MDGA2: variants seen among roughly 807,000 people sequenced by gnomAD.
MDGA2 encodes MAM domain-containing glycosylphosphatidylinositol anchor protein 2.
MDGA2 carries 40 observed loss-of-function variants against 117.8 expected under a neutral mutation model. That is an observed-to-expected ratio of 0.34 (90% CI 0.26 to 0.44). The LOEUF (loss-of-function observed/expected upper bound fraction) is 0.44, where lower values mean the gene tolerates loss of function less well. Ranked by LOEUF, MDGA2 falls within the 20% of genes least tolerant of loss-of-function variation. The pLI is 1.00. For synonymous variants in MDGA2, 452 were observed against 439.0 expected (o/e 1.03, Z -0.37); for missense variants, 1,123 against 1,250.6 (o/e 0.90, Z 1.54).
chr14:46,986,636 A>C (rs1166308604), intron 8 of MDGA2, among the ~76,000 whole-genome samples: 1 of 152,122 alleles, frequency 6.6e-6, no homozygotes, highest in African/African-American at 2.4e-5. Flanking sequence ...TGTCTTAAGG[A>C]AATTAGTTTC....
At chr14:47,149,098 C>T in intron 3 of MDGA2, among the ~76,000 whole-genome samples, 1 of 152,094 alleles carries the variant, frequency 6.6e-6, no homozygotes, top group East Asian at 1.9e-4. Flanking sequence ...CGAGACAAGC[C>T]TGGCCAACAT....
At chr14:47,392,347 G>A (rs376751906) in intron 1 of MDGA2, among the ~76,000 whole-genome samples, 23 of 152,072 alleles carry the variant, frequency 1.5e-4, no homozygotes, top group Middle Eastern at 3.4e-3. Context: ...ATAGTACATT[G>A]AAATAAAATA....
At chr14:47,024,473 T>C (rs78324460) in intron 8 of MDGA2, among the ~76,000 whole-genome samples, 1 of 152,288 alleles carries the variant, frequency 6.6e-6, no homozygotes, top group Non-Finnish European at 1.5e-5. Context: ...CTTATAAGAA[T>C]GAATACTTCC....
intron 1 of MDGA2, among the ~76,000 whole-genome samples, chr14:47,341,476 T>G (rs1171303583): frequency 2.0e-5 from 3 of 152,194 alleles, no homozygotes; most frequent in Non-Finnish European, 4.4e-5. Context: ...ATTTCTTAAT[T>G]TGGAGTAAAT....
rs1275050802 is a variant in MDGA2, at chr14:46,855,795, T to C, written c.2753-641A>G. On this transcript the variant is annotated intron_variant, in intron 14 of 16. Transcript: ENST00000399232. This position sits in a 1 kb window ranked among gnomAD's most constrained non-coding sequence, Gnocchi z 4.1. The stretch of plus-strand genomic sequence containing the variant: ...AGGAAATTAACATAGCATGTAATCA[T>C]GTACTGAATAACTTGCTCAGAGTTG... Among the ~76,000 whole-genome samples, 1 of 152,176 alleles carries C rather than the reference T, an allele frequency of 6.6e-6. No individual in the cohort carries two copies. Among genetic ancestry groups the C allele is most frequent in the Admixed American group, 6.5e-5 (1 of 15,274 alleles).
chr14:47,109,065 G>A (rs551654417), intron 5 of MDGA2, among the ~76,000 whole-genome samples: 44 of 152,294 alleles, frequency 2.9e-4, no homozygotes, highest in Non-Finnish European at 5.7e-4. Flanking sequence ...ACAGGAAGCT[G>A]AGCATTCACT....
intron 1 of MDGA2, among the ~76,000 whole-genome samples, chr14:47,601,506 C>T (rs928633019): frequency 2.6e-5 from 4 of 152,218 alleles, no homozygotes; most frequent in African/African-American, 7.2e-5. Flanking sequence ...AGGATGCTTA[C>T]ATATAAAGCT....
At chr14:47,437,157 C>T (rs1347370660) in intron 1 of MDGA2, among the ~76,000 whole-genome samples, 1 of 152,010 alleles carries the variant, frequency 6.6e-6, no homozygotes, top group Non-Finnish European at 1.5e-5. Context: ...AGATTTACTC[C>T]TCTCCATCCC....
chr14:47,366,424 T>C (rs1891232682), intron 1 of MDGA2, among the ~76,000 whole-genome samples: 1 of 152,070 alleles, frequency 6.6e-6, no homozygotes. Flanking sequence ...TTATTCTTTC[T>C]AGTCCTTTCG....
intron 2 of MDGA2, among the ~76,000 whole-genome samples, chr14:47,252,236 T>A (rs957237411): frequency 6.6e-6 from 1 of 152,092 alleles, no homozygotes; most frequent in East Asian, 1.9e-4. Context: ...TAGATTCTCA[T>A]GAAGTACACA....
At chr14:47,595,694 C>A (rs555776775) in intron 1 of MDGA2, among the ~76,000 whole-genome samples, 1 of 152,052 alleles carries the variant, frequency 6.6e-6, no homozygotes, top group Admixed American at 6.6e-5. Flanking sequence ...AAGGAGCCAC[C>A]CTCAGCCATG....
At chr14:47,650,298 C>A (rs1490731795) in intron 1 of MDGA2, among the ~76,000 whole-genome samples, 1 of 152,144 alleles carries the variant, frequency 6.6e-6, no homozygotes, top group Admixed American at 6.5e-5. Context: ...GATCTTGGGA[C>A]TTATCAGCCC....
At chr14:47,317,921 G>T (rs1186858162) in intron 1 of MDGA2, among the ~76,000 whole-genome samples, 2 of 151,904 alleles carry the variant, frequency 1.3e-5, no homozygotes, top group Non-Finnish European at 2.9e-5. Flanking sequence ...TTGAATTCAC[G>T]TTCAACACCT....
intron 3 of MDGA2, among the ~76,000 whole-genome samples, chr14:47,176,136 C>A (rs1323995702): frequency 2.6e-5 from 4 of 151,984 alleles, no homozygotes; most frequent in Non-Finnish European, 5.9e-5. Context: ...AACCACTGCT[C>A]AAGGAAATAA....
At chr14:47,445,586 G>T (rs1893104643) in intron 1 of MDGA2, among the ~76,000 whole-genome samples, 1 of 151,950 alleles carries the variant, frequency 6.6e-6, no homozygotes, top group African/African-American at 2.4e-5. Flanking sequence ...AGGTGACAAG[G>T]AAAAGCTTCA....
intron 1 of MDGA2, among the ~76,000 whole-genome samples, chr14:47,659,220 C>T (rs1897800808): frequency 6.6e-6 from 1 of 152,178 alleles, no homozygotes; most frequent in Non-Finnish European, 1.5e-5. Flanking sequence ...CAAGTCTAAT[C>T]CCCAGAGCAG....
chr14:47,113,134 T>C lies in MDGA2; in HGVS notation c.926-16011A>G, dbSNP rs1420146026. ...GCTTAAGTTCATTGTAGATTCTGGATATCCACTGACTCCACAGAAATACAA... is the reference window on the plus strand; with the variant it reads ...GCTTAAGTTCATTGTAGATTCTGGACATCCACTGACTCCACAGAAATACAA... On this transcript the variant is annotated intron_variant, in intron 5 of 16. Transcript: ENST00000399232. 2.6e-5 allele frequency among the ~76,000 whole-genome samples: 4 copies of C among 152,134 alleles called. No individual in the cohort carries two copies. In the East Asian group the frequency reaches 7.7e-4, roughly 29 times the overall value.
At chr14:47,573,982 T>C (rs572829079) in intron 1 of MDGA2, among the ~76,000 whole-genome samples, 7 of 152,274 alleles carry the variant, frequency 4.6e-5, no homozygotes, top group African/African-American at 1.2e-4. Context: ...AAAATGAACA[T>C]TTTTTGTCTT....
intron 8 of MDGA2, among the ~76,000 whole-genome samples, chr14:47,028,557 C>G (rs1888554287): frequency 1.3e-5 from 2 of 152,090 alleles, no homozygotes; most frequent in Admixed American, 1.3e-4. Context: ...TCTAAATTGT[C>G]TTCTACATAC....
Sources: gnomAD v4.1 joint callset for allele counts (sites outside exome capture counted in the v4.1 genomes callset) on GRCh38, gnomAD v4.1.1 for gene constraint, Gnocchi (gnomAD v3.1) non-coding constraint, MANE v1.5 for transcripts, NCBI Gene and HGNC (gene_info 2026-07-23, HGNC 2026-07-21) for gene names.